The following PREPL variants were observed in gnomAD, a reference collection of about 807,000 sequenced individuals.
PREPL encodes the protein prolyl endopeptidase like, also known as prolyl endopeptidase-like.
In PREPL, 77 loss-of-function variants were observed where a neutral mutation model predicts 70.6. That is an observed-to-expected ratio of 1.09 (90% CI 0.91 to 1.32). The LOEUF (loss-of-function observed/expected upper bound fraction) is 1.32. Ranked by LOEUF, PREPL falls within the 40% of genes most tolerant of loss-of-function variation. The pLI, the probability that PREPL is intolerant of heterozygous loss-of-function variation, is 0.00. For missense variants in PREPL, 1,002 were observed against 778.2 expected (o/e 1.29, Z -3.42); for synonymous variants, 315 against 264.8 (o/e 1.19, Z -1.84).
intron 1 of PREPL, among the ~76,000 whole-genome samples, chr2:44,352,115 T>G (rs916253952): frequency 6.6e-6 from 1 of 152,220 alleles, no homozygotes; most frequent in African/African-American, 2.4e-5. Context: ...AATGTCATCT[T>G]CTAAGTTAGG....
intron 5 of PREPL, among the ~76,000 whole-genome samples, chr2:44,341,595 T>C (rs1337760812): frequency 6.6e-6 from 1 of 152,098 alleles, no homozygotes; most frequent in Non-Finnish European, 1.5e-5. Context: ...CAAGTGGCTC[T>C]AGGGTAAAAT....
In PREPL at chr2:44,321,281, T is replaced by G; in HGVS notation, c.*75A>C. On this transcript the variant is annotated 3_prime_UTR_variant, in exon 14 of 14. Coordinates refer to ENST00000409411, the MANE Select transcript of PREPL (RefSeq NM_001171613.2). Reference sequence around the variant, plus strand: ...TAAAAGTCTCAAGTTATTAATTTTTTTTTTGCTAACTCAATTGGAAGTAAG... The same window carrying G: ...TAAAAGTCTCAAGTTATTAATTTTTGTTTTGCTAACTCAATTGGAAGTAAG... The G allele has an allele frequency of 8.1e-7, 1 of 1,227,352 alleles. No individual in the cohort carries two copies. The highest frequency in any genetic ancestry group is 1.1e-6 in the Non-Finnish European group (1 of 870,324). The allele number at this position is 1,227,352 out of a possible 1,614,324, so 76.0% of individuals were successfully genotyped here.
intron 1 of PREPL, among the ~76,000 whole-genome samples, chr2:44,352,069 C>T (rs1320440941): frequency 6.6e-6 from 1 of 152,184 alleles, no homozygotes; most frequent in Non-Finnish European, 1.5e-5. Flanking sequence ...AGAACTTGGG[C>T]CCTATGCCCA....
chr2:44,320,958 G>A lies in PREPL; in HGVS notation c.*398C>T, dbSNP rs141072151. ...AGAATTTTATCTTTTCCCTTAAAAT[G>A]CAGTCATAGAAATTAGAGGATGACT... is the stretch of plus-strand genomic sequence containing the variant. On this transcript the variant is annotated 3_prime_UTR_variant, in exon 14 of 14. Coordinates refer to ENST00000409411, the MANE Select transcript of PREPL (RefSeq NM_001171613.2). The A allele has an allele frequency of 4.9e-6, 2 of 406,494 alleles. No individual in the cohort carries two copies. Among genetic ancestry groups the A allele is most frequent in the Non-Finnish European group, 9.0e-6 (2 of 222,224 alleles). The allele number at this position is 406,494 out of a possible 1,614,324, so 25.2% of individuals were successfully genotyped here. A position where few individuals can be genotyped will look rare whatever the true frequency, so the allele number is the denominator to read the frequency against.
rs373786632 is a variant in PREPL, at chr2:44,326,897, C to T, written c.1294G>A (p.Ala432Thr). ...GGGELGLQWH[A>T]DGRLTKKLNG... ...AGTTTTTTAGTTAGGCGGCCATCAG[C>T]GTGCCACTGGAGGCCTAACTCACCA... The change falls in exon 10 of 14, where the codon GCT becomes ACT. Residue 432 changes from alanine to threonine, a missense_variant. Coordinates refer to ENST00000409411, the MANE Select transcript of PREPL (RefSeq NM_001171613.2). The T allele has an allele frequency of 2.2e-5, 36 of 1,614,048 alleles. No homozygotes were observed. Among genetic ancestry groups the T allele is most frequent in the African/African-American group, 1.2e-4 (9 of 75,020 alleles).
At chr2:44,356,883 C>T (rs1368397260) in intron 1 of PREPL, among the ~76,000 whole-genome samples, 2 of 141,178 alleles carry the variant, frequency 1.4e-5, no homozygotes, top group East Asian at 1.9e-4. Flanking sequence ...AACCTCACTG[C>T]AGCCTCGACC....
chr2:44,322,952 T>C, intron 11 of PREPL, 98 bp from the exon 12 acceptor site: 1 of 1,467,790 alleles, frequency 6.8e-7, no homozygotes, highest in Non-Finnish European at 9.2e-7. Context: ...TTTTTCCCTG[T>C]AAGTGCTCTA....
At chr2:44,333,527 T>C (rs1002565120) in intron 7 of PREPL, among the ~76,000 whole-genome samples, 2 of 151,922 alleles carry the variant, frequency 1.3e-5, no homozygotes, top group Non-Finnish European at 2.9e-5. Context: ...TGGGCACTAT[T>C]GAAAAAGGGC....
At chr2:44,358,079 T>C (rs1476163115) in intron 1 of PREPL, among the ~76,000 whole-genome samples, 3 of 151,772 alleles carry the variant, frequency 2.0e-5, no homozygotes, top group African/African-American at 7.3e-5. Context: ...GCGGCAAAAA[T>C]TGAACAAAAA....
upstream of PREPL, chr2:44,361,788 A>C: frequency 1.2e-6 from 1 of 811,986 alleles, no homozygotes; most frequent in Non-Finnish European, 1.7e-6. Flanking sequence ...CTCACTCAAG[A>C]TGGCTACCAG....
At position 44,328,936 on chromosome 2, in the gene PREPL, C is replaced by A; in HGVS notation, c.1262+1G>T. 1 of 1,609,534 alleles carries A rather than the reference C, an allele frequency of 6.2e-7. No homozygotes were observed. Among genetic ancestry groups the A allele is most frequent in the South Asian group, 1.1e-5 (1 of 89,818 alleles). ...ATGCCAGGTAAAATATACTGACTCA[C>A]CGAACATGGCAGTATGCTAATATCC... On this transcript the variant is annotated splice_donor_variant, in intron 9 of 13. Coordinates refer to ENST00000409411, the MANE Select transcript of PREPL (RefSeq NM_001171613.2). LOFTEE classifies it high-confidence loss of function.
In PREPL at chr2:44,337,141, T is replaced by A. The variant is rs147872767; in HGVS notation, c.888+1210A>T. On this transcript the variant is annotated intron_variant, in intron 7 of 13. Coordinates refer to ENST00000409411, the MANE Select transcript of PREPL (RefSeq NM_001171613.2). ...TAGCGCTTTAATAAAACAGAATAAT[T>A]AACAGTTTCCTGAACATTTTCTGAA... Among the ~76,000 whole-genome samples the A allele has an allele frequency of 5.4e-3, 829 of 152,220 alleles. 8 individuals are homozygous for A. Among genetic ancestry groups the A allele is most frequent in the African/African-American group, 0.019 (796 of 41,536 alleles).
intron 9 of PREPL, among the ~76,000 whole-genome samples, chr2:44,328,118 G>C (rs143730113): frequency 6.6e-6 from 1 of 151,430 alleles, no homozygotes; most frequent in South Asian, 2.1e-4. Context: ...AAACCCCATC[G>C]CTACAAAAAT....
intron 10 of PREPL, among the ~76,000 whole-genome samples, chr2:44,324,221 G>C (rs1014543440): frequency 6.6e-6 from 1 of 152,206 alleles, no homozygotes; most frequent in African/African-American, 2.4e-5. Flanking sequence ...TGTTTGAGTA[G>C]TCAAATTCAC....
rs760875859 is a variant in PREPL, at chr2:44,321,855, T to C, written c.1799A>G (p.Asn600Ser). The part of the protein sequence containing the change: ...NIILDIQPGG[N>S]HVIEDSHKKI... ...TTTGTGAGAATCCTCAATTACATGATTGCCTCCAGGCTGAATATCTAGAAT... is the reference window on the plus strand; with the variant it reads ...TTTGTGAGAATCCTCAATTACATGACTGCCTCCAGGCTGAATATCTAGAAT... The change falls in exon 13 of 14, where the codon AAT becomes AGT. Residue 600 changes from asparagine (N) to serine (S), a missense_variant. Transcript: ENST00000409411. The C allele has an allele frequency of 1.7e-5, 27 of 1,613,618 alleles. No homozygotes were observed. The highest frequency in any genetic ancestry group is 1.6e-5 in the Non-Finnish European group (19 of 1,179,726).
intron 8 of PREPL, among the ~76,000 whole-genome samples, chr2:44,331,550 G>T (rs909068405): frequency 6.6e-6 from 1 of 151,978 alleles, no homozygotes; most frequent in African/African-American, 2.4e-5. Flanking sequence ...CAAATTCAGG[G>T]CCTCTATACA....
chr2:44,336,982 T>A (rs1294210797), intron 7 of PREPL, among the ~76,000 whole-genome samples: 1 of 152,186 alleles, frequency 6.6e-6, no homozygotes, highest in Non-Finnish European at 1.5e-5. Flanking sequence ...TGGTTTAGTG[T>A]ATCCTAATAT....
rs944940193 is a variant in PREPL, at chr2:44,322,134, C to T, written c.1754-234G>A. The stretch of plus-strand genomic sequence containing the variant: ...ATGGAAAAGACTATATGGTGCCACA[C>T]GGACAAGGTTGAAACCCAGGAGATC... On this transcript the variant is annotated intron_variant, in intron 12 of 13. Coordinates refer to ENST00000409411, the MANE Select transcript of PREPL (RefSeq NM_001171613.2). 7.2e-5 allele frequency among the ~76,000 whole-genome samples: 11 copies of T among 152,120 alleles called. No individual in the cohort carries two copies. In the South Asian group the frequency reaches 1.4e-3, roughly 20 times the overall value.
intron 9 of PREPL, among the ~76,000 whole-genome samples, chr2:44,327,575 TG>T (rs1202270690): frequency 1.3e-5 from 2 of 152,102 alleles, no homozygotes; most frequent in African/African-American, 4.8e-5. Context: ...GACATGACTT[TG>T]GGGGCTGGAC....
Sources: allele counts gnomAD v4.1 joint callset (sites outside exome capture counted in the v4.1 genomes callset), GRCh38; gene constraint gnomAD v4.1.1; transcripts MANE v1.5; gene names NCBI Gene and HGNC (gene_info 2026-07-23, HGNC 2026-07-21).